The following RTN4 variants were observed in gnomAD, a reference collection of about 807,000 sequenced individuals.
RTN4 encodes reticulon 4, also known as reticulon-4.
Under a neutral mutation model 90.4 loss-of-function variants are expected in RTN4, and 32 were observed. The observed-to-expected ratio is 0.35, with a 90% CI of 0.27 to 0.48. The LOEUF (loss-of-function observed/expected upper bound fraction) is 0.48. Ranked by LOEUF, RTN4 falls within the 20% of genes least tolerant of loss-of-function variation. RTN4 has a pLI of 0.99. For synonymous variants in RTN4, 629 were observed against 552.5 expected, an observed-to-expected ratio of 1.14 and a Z score of -1.94; for missense variants, 1,706 against 1,430.2, an observed-to-expected ratio of 1.19 and a Z score of -3.11.
Position 55,049,069 on chromosome 2 carries a change from A to G in RTN4, c.556+676T>C, listed in dbSNP as rs930049948. 4 of 982,758 alleles carry G rather than the reference A, an allele frequency of 4.1e-6. No homozygotes were observed. The African/African-American group carries it at 5.2e-5, about 13-fold the overall frequency. 60.9% of individuals were successfully genotyped at this position (982,758 alleles called of 1,614,324 possible). A position where few individuals can be genotyped will look rare whatever the true frequency, so the allele number is the denominator to read the frequency against. On this transcript the variant is annotated intron_variant, in intron 1 of 8. Coordinates refer to ENST00000337526, the MANE Select transcript of RTN4 (RefSeq NM_020532.5). ...ACACCCCGGGGAGCTGGGCGGTGGCAGGACTTTACCAGAACTCTCTCCTTC... is the reference window on the plus strand; with the variant it reads ...ACACCCCGGGGAGCTGGGCGGTGGCGGGACTTTACCAGAACTCTCTCCTTC...
At chr2:54,999,457 T>C (rs1679695470) in intron 3 of RTN4, among the ~76,000 whole-genome samples, 1 of 152,112 alleles carries the variant, frequency 6.6e-6, no homozygotes, top group Non-Finnish European at 1.5e-5. Context: ...TAAAAAGCTT[T>C]TGTCTGGGAA....
chr2:55,078,906 AG>A (rs1252388288), intron 2 of RTN4, among the ~76,000 whole-genome samples: 2 of 152,214 alleles, frequency 1.3e-5, no homozygotes, highest in Non-Finnish European at 2.9e-5. Flanking sequence ...TGGGAAAAAA[AG>A]GTTCGATTCA....
intron 3 of RTN4, among the ~76,000 whole-genome samples, chr2:55,012,092 T>C (rs1295782371): frequency 2.6e-5 from 4 of 152,162 alleles, no homozygotes; most frequent in South Asian, 2.1e-4. Context: ...CACTCAACTA[T>C]AGTACTCAAA....
At chr2:55,118,554 G>GTTCACGA in the RTN4 span, among the ~76,000 whole-genome samples, 1 of 151,894 alleles carries the variant, frequency 6.6e-6, no homozygotes. Flanking sequence ...ATTGAATCTA[G>GTTCACGA]TTCACGATTC....
At chr2:55,004,016 A>C (rs1043838237) in intron 3 of RTN4, among the ~76,000 whole-genome samples, 1 of 152,172 alleles carries the variant, frequency 6.6e-6, no homozygotes, top group Non-Finnish European at 1.5e-5. Flanking sequence ...TAAGAATTCT[A>C]TTCTCTGCCT....
chr2:55,066,819 C>A (rs1019191764), intron 2 of RTN4, among the ~76,000 whole-genome samples: 1 of 151,906 alleles, frequency 6.6e-6, no homozygotes, highest in Admixed American at 6.6e-5. Context: ...TTTTATAAGT[C>A]AAAAATGTGA....
At chr2:55,095,050 G>A (rs1319117325) in intron 1 of RTN4, among the ~76,000 whole-genome samples, 3 of 152,086 alleles carry the variant, frequency 2.0e-5, no homozygotes, top group Non-Finnish European at 2.9e-5. Context: ...AAGGCTGGGC[G>A]CGGTGGCTCA....
chr2:55,130,205 A>G, the RTN4 span, among the ~76,000 whole-genome samples: 1 of 152,376 alleles, frequency 6.6e-6, no homozygotes, highest in East Asian at 1.9e-4. Context: ...GAGTGCTGAC[A>G]TGGAAAAATT....
chr2:55,028,655 A>G (rs765804547), intron 1 of RTN4, among the ~76,000 whole-genome samples: 6 of 152,238 alleles, frequency 3.9e-5, no homozygotes, highest in Non-Finnish European at 7.3e-5. Flanking sequence ...TTATTGGCAT[A>G]TATTCAATTT....
intron 3 of RTN4, among the ~76,000 whole-genome samples, chr2:55,017,991 C>T (rs2104823840): frequency 6.6e-6 from 1 of 152,298 alleles, no homozygotes; most frequent in South Asian, 2.1e-4. Flanking sequence ...AATCGCAGTT[C>T]ATTCTTGTGA....
intron 1 of RTN4, among the ~76,000 whole-genome samples, chr2:55,031,270 G>T (rs1308879533): frequency 6.6e-6 from 1 of 152,188 alleles, no homozygotes; most frequent in East Asian, 1.9e-4. Context: ...CTGAGAAAAG[G>T]GAAACCTGCA....
chr2:55,113,819 C>G (rs1409636329), upstream of RTN4, among the ~76,000 whole-genome samples: 1 of 152,178 alleles, frequency 6.6e-6, no homozygotes, highest in East Asian at 1.9e-4. Context: ...GGCTAAGGAA[C>G]CACCTGTCTA....
chr2:55,032,741 A>C (rs954559827), intron 1 of RTN4, among the ~76,000 whole-genome samples: 3 of 152,178 alleles, frequency 2.0e-5, no homozygotes, highest in Non-Finnish European at 2.9e-5. Context: ...AAAAAAAGCA[A>C]CAGTGGCCAG....
chr2:55,032,760 G>A (rs941041902), intron 1 of RTN4, among the ~76,000 whole-genome samples: 2 of 152,134 alleles, frequency 1.3e-5, no homozygotes, highest in African/African-American at 4.8e-5. Flanking sequence ...AGGCATGGGA[G>A]CTCATGCCTG....
Position 55,027,034 on chromosome 2 carries a change from T to C in RTN4, c.1065A>G (p.Lys355=), listed in dbSNP as rs1199839312. ...ELPTALTKLV[K]EDEVVSSEKA... ...TTTCTGAAGACACAACTTCATCCTC[T>C]TTAACCAATTTAGTAAGAGCTGTAG... Residue 355 remains lysine (K), a synonymous_variant, in exon 3 of 9, where the codon AAA becomes AAG. Transcript: ENST00000337526. The C allele has an allele frequency of 6.2e-7, 1 of 1,613,570 alleles. No homozygotes were observed.
intron 1 of RTN4, among the ~76,000 whole-genome samples, chr2:55,094,987 C>T (rs1051622846): frequency 7.9e-5 from 12 of 152,104 alleles, no homozygotes; most frequent in African/African-American, 2.7e-4. Flanking sequence ...TTGTATTTCC[C>T]GTATTATCGC....
chr2:55,115,843 C>A (rs1174172621), upstream of RTN4, among the ~76,000 whole-genome samples: 1 of 152,222 alleles, frequency 6.6e-6, no homozygotes, highest in African/African-American at 2.4e-5. Context: ...TACCTCCTCC[C>A]CACAGTTCCT....
rs1677074890 is a variant in RTN4 at position 54,972,190 on chromosome 2, T to TTTAAGTCTA, written c.*957_*965dup. On this transcript the variant is annotated 3_prime_UTR_variant, in exon 9 of 9. Transcript: ENST00000337526. ...ATGAAATGAAAATACCAAAGCATATTTTAAGTCTATAAGCTTTATTGATAC... is the reference window on the plus strand; with the variant it reads ...ATGAAATGAAAATACCAAAGCATATTTTAAGTCTATTAAGTCTATAAGCTTTATTGATAC... The TTTAAGTCTA allele has an allele frequency of 6.6e-6, 1 of 152,666 alleles. No individual in the cohort carries two copies. The highest frequency in any genetic ancestry group is 2.4e-5 in the African/African-American group (1 of 41,462). The allele number at this position is 152,666 out of a possible 1,614,324, so 9.5% of individuals were successfully genotyped here. A position where few individuals can be genotyped will look rare whatever the true frequency, so the allele number is the denominator to read the frequency against.
chr2:55,020,080 A>G (rs1681315446), intron 3 of RTN4, among the ~76,000 whole-genome samples: 1 of 152,174 alleles, frequency 6.6e-6, no homozygotes, highest in South Asian at 2.1e-4. Context: ...AAGACATTCC[A>G]TGTTCATGAA....
Sources: allele counts gnomAD v4.1 joint callset (sites outside exome capture counted in the v4.1 genomes callset), GRCh38; gene constraint gnomAD v4.1.1; transcripts MANE v1.5; gene names NCBI Gene and HGNC (gene_info 2026-07-23, HGNC 2026-07-21).